The following PCDH9 variants were observed in gnomAD, a reference collection of about 807,000 sequenced individuals.
PCDH9 encodes protocadherin-9.
In PCDH9, 24 loss-of-function variants were observed where a neutral mutation model predicts 70.6. That is an observed-to-expected ratio of 0.34 (90% CI 0.25 to 0.48). The LOEUF (loss-of-function observed/expected upper bound fraction) is 0.48, where lower values mean the gene tolerates loss of function less well. Ranked by LOEUF, PCDH9 falls within the 20% of genes least tolerant of loss-of-function variation. The probability of loss-of-function intolerance (pLI) is 0.99; values close to 1 mark genes in which losing one functional copy is unlikely to be tolerated. For synonymous variants in PCDH9, 562 were observed against 558.5 expected (o/e 1.01, Z -0.09); for missense variants, 1,281 against 1,503.6 (o/e 0.85, Z 2.45).
At chr13:67,216,966 C>T (rs1324381441) in intron 2 of PCDH9, 1 of 151,756 alleles carries the variant, frequency 6.6e-6, no homozygotes, top group African/African-American at 2.4e-5. Context: ...GGCATCAACT[C>T]ACAACTCAGA....
At chr13:66,682,269 C>CA (rs1303783489) in intron 3 of PCDH9, among the ~76,000 whole-genome samples, 2 of 151,954 alleles carry the variant, frequency 1.3e-5, no homozygotes, top group African/African-American at 4.8e-5. Flanking sequence ...GCCATTATAA[C>CA]ACATAAAATT....
intron 2 of PCDH9, among the ~76,000 whole-genome samples, chr13:67,151,311 G>A (rs1331394826): frequency 2.6e-5 from 4 of 152,034 alleles, no homozygotes; most frequent in African/African-American, 7.2e-5. Context: ...GTTTCTTAAC[G>A]TTTGTATCCC....
intron 2 of PCDH9, among the ~76,000 whole-genome samples, chr13:67,118,015 A>T (rs2138291220): frequency 6.6e-6 from 1 of 152,290 alleles, no homozygotes; most frequent in Non-Finnish European, 1.5e-5. Flanking sequence ...ATGACTTTAA[A>T]GTTTCAATAC....
At chr13:66,865,493 T>G (rs1203594895) in intron 3 of PCDH9, among the ~76,000 whole-genome samples, 1 of 152,256 alleles carries the variant, frequency 6.6e-6, no homozygotes, top group Non-Finnish European at 1.5e-5. Context: ...AAATTATATC[T>G]TTTGATCCTT....
At chr13:67,004,408 T>C (rs1274533224) in intron 2 of PCDH9, among the ~76,000 whole-genome samples, 1 of 151,828 alleles carries the variant, frequency 6.6e-6, no homozygotes, top group Non-Finnish European at 1.5e-5. Context: ...CTGTCTCCAC[T>C]AAAAATCCAA....
intron 2 of PCDH9, among the ~76,000 whole-genome samples, chr13:66,953,425 C>T (rs1019747119): frequency 6.6e-6 from 1 of 152,180 alleles, no homozygotes; most frequent in Non-Finnish European, 1.5e-5. Flanking sequence ...ATTAAGCACT[C>T]CACTCCTCTT....
intron 4 of PCDH9, among the ~76,000 whole-genome samples, chr13:66,428,989 A>G (rs117271562): frequency 0.023 from 3,543 of 151,686 alleles, 86 homozygotes; most frequent in Admixed American, 0.07. Flanking sequence ...TTAGTCTAAA[A>G]GAAAGTTGAA....
intron 3 of PCDH9, among the ~76,000 whole-genome samples, chr13:66,804,964 G>T (rs995614395): frequency 1.3e-5 from 2 of 152,114 alleles, no homozygotes; most frequent in Admixed American, 6.6e-5. Context: ...GTTTCTCAAG[G>T]TTCTAAGGAC....
rs1458717252 is a variant in PCDH9, at chr13:66,600,731, T to A, written c.3340+30479A>T. 1.7e-5 allele frequency among the ~76,000 whole-genome samples: 2 copies of A among 115,036 alleles called. 1 individual carries two copies. Among genetic ancestry groups the A allele is most frequent in the African/African-American group, 5.7e-5 (2 of 35,284 alleles). 75.5% of individuals were successfully genotyped at this position (115,036 alleles called of 152,430 possible). A position where few individuals can be genotyped will look rare whatever the true frequency, so the allele number is the denominator to read the frequency against. On this transcript the variant is annotated intron_variant, in intron 4 of 4. Transcript: ENST00000377865. ...TTTCTTATGTATTCATAAAAATGAA[T>A]GTATAATAACATTTTGGATGAACTA...
intron 2 of PCDH9, among the ~76,000 whole-genome samples, chr13:67,121,558 C>T (rs1314883526): frequency 1.3e-5 from 2 of 152,168 alleles, no homozygotes; most frequent in East Asian, 1.9e-4. Context: ...TTGTATCACA[C>T]TTACTAATCT....
chr13:66,647,970 C>T (rs1593834568), intron 3 of PCDH9, among the ~76,000 whole-genome samples: 1 of 152,120 alleles, frequency 6.6e-6, no homozygotes, highest in East Asian at 2.0e-4. Flanking sequence ...AATTCTACTA[C>T]TTGTGGAAAG....
chr13:66,626,119 A>G (rs946347722), intron 4 of PCDH9, among the ~76,000 whole-genome samples: 1 of 152,110 alleles, frequency 6.6e-6, no homozygotes, highest in Non-Finnish European at 1.5e-5. Flanking sequence ...GCTTTTGAGG[A>G]AAAAAATATC....
intron 3 of PCDH9, among the ~76,000 whole-genome samples, chr13:66,689,091 T>C (rs1247307011): frequency 6.6e-6 from 1 of 152,220 alleles, no homozygotes; most frequent in Non-Finnish European, 1.5e-5. Flanking sequence ...CAAATGTATG[T>C]ATCTAGCCAC....
intron 3 of PCDH9, among the ~76,000 whole-genome samples, chr13:66,747,405 A>T (rs2079387043): frequency 6.6e-6 from 1 of 151,312 alleles, no homozygotes; most frequent in Admixed American, 6.6e-5. Context: ...CACAAAAAGC[A>T]TATATATGGC....
intron 2 of PCDH9, among the ~76,000 whole-genome samples, chr13:67,108,993 G>A (rs888061320): frequency 3.3e-5 from 5 of 152,194 alleles, no homozygotes; most frequent in African/African-American, 1.2e-4. Context: ...TCAAAATCAT[G>A]TGGACTACTT....
chr13:66,819,765 A>T (rs975553612), intron 3 of PCDH9, among the ~76,000 whole-genome samples: 1 of 152,070 alleles, frequency 6.6e-6, no homozygotes, highest in African/African-American at 2.4e-5. Flanking sequence ...GCATGGTGGC[A>T]CCTGCCTCTG....
intron 3 of PCDH9, among the ~76,000 whole-genome samples, chr13:66,759,008 TC>T (rs1269227145): frequency 1.3e-5 from 2 of 151,818 alleles, no homozygotes; most frequent in Admixed American, 1.3e-4. Flanking sequence ...ATATGAATCA[TC>T]TTTTTTTTCT....
chr13:66,919,776 A>G (rs1339813275), intron 2 of PCDH9, among the ~76,000 whole-genome samples: 2 of 151,158 alleles, frequency 1.3e-5, no homozygotes, highest in East Asian at 3.9e-4. Context: ...CTGTCAAGGA[A>G]GGTGGACAAG....
chr13:67,091,651 T>G (rs1046285333), intron 2 of PCDH9, among the ~76,000 whole-genome samples: 1 of 152,178 alleles, frequency 6.6e-6, no homozygotes, highest in Non-Finnish European at 1.5e-5. Context: ...TACCCCTTAT[T>G]AGTGGTTTCA....
Sources: allele counts gnomAD v4.1 joint callset (sites outside exome capture counted in the v4.1 genomes callset), GRCh38; gene constraint gnomAD v4.1.1; transcripts MANE v1.5; gene names NCBI Gene and HGNC (gene_info 2026-07-23, HGNC 2026-07-21).